KCNIP4: variants seen among roughly 807,000 people sequenced by gnomAD.
KCNIP4 encodes potassium voltage-gated channel interacting protein 4.
KCNIP4 carries 12 observed loss-of-function variants against 34.0 expected under a neutral mutation model. The observed-to-expected ratio is 0.35, with a 90% confidence interval of 0.23 to 0.57. KCNIP4 has a LOEUF of 0.57. KCNIP4 is among the 20% of genes least tolerant of loss of function. The pLI, the probability that KCNIP4 is intolerant of heterozygous loss-of-function variation, is 0.83. For missense variants in KCNIP4, 238 were observed against 311.7 expected, an observed-to-expected ratio of 0.76 and a Z score of 1.78; for synonymous variants, 124 against 102.2, an observed-to-expected ratio of 1.21 and a Z score of -1.29.
chr4:20,999,502 A>C (rs566051455), intron 1 of KCNIP4, among the ~76,000 whole-genome samples: 30 of 145,692 alleles, frequency 2.1e-4, no homozygotes, highest in Middle Eastern at 7.1e-3. Flanking sequence ...AAACAGAGGC[A>C]CACAGCATCA....
chr4:21,679,608 C>T (rs2109022031), intron 1 of KCNIP4, among the ~76,000 whole-genome samples: 1 of 152,266 alleles, frequency 6.6e-6, no homozygotes, highest in African/African-American at 2.4e-5. Context: ...TCTAGTAATA[C>T]ACTATCTGTT....
intron 1 of KCNIP4, among the ~76,000 whole-genome samples, chr4:21,832,569 GTTTTT>G (rs1723054222): frequency 1.1e-5 from 1 of 94,382 alleles, no homozygotes. Context: ...ATTCTTTTTT[GTTTTT>G]ATTTTTTTTA....
chr4:21,441,365 G>A (rs1380232572), intron 1 of KCNIP4, among the ~76,000 whole-genome samples: 2 of 151,632 alleles, frequency 1.3e-5, no homozygotes, highest in African/African-American at 4.8e-5. Flanking sequence ...GGATGGTCTC[G>A]ATCTCCTGAC....
intron 1 of KCNIP4, among the ~76,000 whole-genome samples, chr4:21,508,579 A>G (rs1734049041): frequency 6.6e-6 from 1 of 152,098 alleles, no homozygotes; most frequent in African/African-American, 2.4e-5. Flanking sequence ...TCATCTTCCC[A>G]CTGTTGGTTG....
chr4:21,622,431 C>A (rs906659185), intron 1 of KCNIP4, among the ~76,000 whole-genome samples: 5 of 152,124 alleles, frequency 3.3e-5, no homozygotes, highest in Admixed American at 6.6e-5. Flanking sequence ...TATATGTGTT[C>A]TTCTTTCATT....
At chr4:20,827,592 C>T (rs960358465) in intron 3 of KCNIP4, among the ~76,000 whole-genome samples, 1 of 152,124 alleles carries the variant, frequency 6.6e-6, no homozygotes, top group Admixed American at 6.5e-5. Context: ...CAGAATTCAG[C>T]ATCCAACACT....
chr4:21,490,039 A>G (rs1732252605), intron 1 of KCNIP4, among the ~76,000 whole-genome samples: 1 of 152,188 alleles, frequency 6.6e-6, no homozygotes, highest in Non-Finnish European at 1.5e-5. Flanking sequence ...ATATGTGGAA[A>G]GCGCTCTTTT....
intron 1 of KCNIP4, among the ~76,000 whole-genome samples, chr4:21,117,507 G>A (rs998219530): frequency 2.0e-5 from 3 of 151,930 alleles, no homozygotes; most frequent in African/African-American, 7.3e-5. Context: ...CATCTAATTG[G>A]CCTCTCAGAA....
chr4:21,761,333 T>G (rs1469881564), intron 1 of KCNIP4, among the ~76,000 whole-genome samples: 1 of 152,168 alleles, frequency 6.6e-6, no homozygotes, highest in Non-Finnish European at 1.5e-5. Flanking sequence ...CTTTGTGTAC[T>G]TTTTTGTAAA....
intron 1 of KCNIP4, among the ~76,000 whole-genome samples, chr4:21,517,194 T>G (rs1411877604): frequency 6.6e-6 from 1 of 152,118 alleles, no homozygotes; most frequent in Non-Finnish European, 1.5e-5. Flanking sequence ...AAGCTGAATA[T>G]ACACTCCCAG....
At chr4:20,955,826 A>G (rs1318537607) in intron 1 of KCNIP4, among the ~76,000 whole-genome samples, 1 of 152,226 alleles carries the variant, frequency 6.6e-6, no homozygotes, top group Non-Finnish European at 1.5e-5. Context: ...GATGGCATTC[A>G]GTTCTTTTAG....
chr4:20,968,873 C>T lies in KCNIP4; in HGVS notation c.62-86164G>A, dbSNP rs112537307. Among the ~76,000 whole-genome samples the T allele has an allele frequency of 1.7e-3, 255 of 152,064 alleles. 1 individual carries two copies. Among genetic ancestry groups the T allele is most frequent in the African/African-American group, 5.6e-3 (231 of 41,482 alleles). ...GCAAACCAGCATGGCACATGTATAC[C>T]TACGTAACAAACCTGCACGTTGTAC... is the stretch of plus-strand genomic sequence containing the variant. On this transcript the variant is annotated intron_variant, in intron 1 of 8. Coordinates refer to ENST00000382152, the MANE Select transcript of KCNIP4 (RefSeq NM_025221.6).
At chr4:21,811,710 T>C (rs1721664727) in intron 1 of KCNIP4, among the ~76,000 whole-genome samples, 1 of 152,204 alleles carries the variant, frequency 6.6e-6, no homozygotes, top group Non-Finnish European at 1.5e-5. Context: ...ATGAATGTAG[T>C]ATGTGTGATT....
At chr4:21,858,365 A>T (rs1193315165) in intron 1 of KCNIP4, among the ~76,000 whole-genome samples, 2 of 152,226 alleles carry the variant, frequency 1.3e-5, no homozygotes, top group East Asian at 3.8e-4. Flanking sequence ...GGCTAGGAAA[A>T]AGTTTAATTT....
chr4:21,804,745 T>G (rs1721195329), intron 1 of KCNIP4, among the ~76,000 whole-genome samples: 1 of 152,154 alleles, frequency 6.6e-6, no homozygotes, highest in Admixed American at 6.6e-5. Context: ...AAAACTAAGT[T>G]ATAGAATTTT....
At chr4:21,096,154 G>A (rs12649850) in intron 1 of KCNIP4, among the ~76,000 whole-genome samples, 24,256 of 152,056 alleles carry the variant, frequency 0.16, 2,046 homozygotes, top group East Asian at 0.23. Flanking sequence ...TGACCAGAGC[G>A]GTGCAATTAA....
At chr4:21,944,439 C>T (rs1730380888) in intron 1 of KCNIP4, among the ~76,000 whole-genome samples, 1 of 151,298 alleles carries the variant, frequency 6.6e-6, no homozygotes, top group Non-Finnish European at 1.5e-5. Flanking sequence ...CACCCGTGAT[C>T]CTGGCTACTC....
intron 1 of KCNIP4, among the ~76,000 whole-genome samples, chr4:21,040,141 G>C (rs1741829196): frequency 6.6e-6 from 1 of 152,120 alleles, no homozygotes; most frequent in Non-Finnish European, 1.5e-5. Flanking sequence ...CCTCCTACCA[G>C]GTCTCTCCCT....
chr4:21,057,433 T>G (rs1743510374), intron 1 of KCNIP4, among the ~76,000 whole-genome samples: 1 of 152,182 alleles, frequency 6.6e-6, no homozygotes, highest in Non-Finnish European at 1.5e-5. Context: ...TAGCCTAAAA[T>G]GTAGCTGTAA....
Sources: allele counts gnomAD v4.1 joint callset (sites outside exome capture counted in the v4.1 genomes callset), GRCh38; gene constraint gnomAD v4.1.1; transcripts MANE v1.5; gene names NCBI Gene and HGNC (gene_info 2026-07-23, HGNC 2026-07-21).